Variants in PTPN14 observed in about 807,000 individuals in gnomAD.
The protein encoded by PTPN14 is tyrosine-protein phosphatase non-receptor type 14.
A neutral mutation model predicts 126.8 loss-of-function variants in PTPN14; 53 were observed. The observed-to-expected ratio is 0.42, with a 90% CI of 0.34 to 0.53. PTPN14 has a LOEUF of 0.53. PTPN14 is among the 20% of genes least tolerant of loss of function. The pLI is 0.08. For missense variants in PTPN14, 1,257 were observed against 1,552.9 expected, an observed-to-expected ratio of 0.81 and a Z score of 3.20; for synonymous variants, 630 against 599.3, an observed-to-expected ratio of 1.05 and a Z score of -0.75.
intron 2 of PTPN14, among the ~76,000 whole-genome samples, chr1:214,458,865 C>G (rs1045542476): frequency 6.6e-6 from 1 of 152,208 alleles, no homozygotes; most frequent in African/African-American, 2.4e-5. Context: ...GCTCCATTTA[C>G]ACATCCATGC....
At chr1:214,462,403 G>A (rs534107785) in intron 2 of PTPN14, among the ~76,000 whole-genome samples, 6 of 152,216 alleles carry the variant, frequency 3.9e-5, no homozygotes, top group South Asian at 2.1e-4. Flanking sequence ...AGCTTGACCT[G>A]GTGATTCAGA....
intron 4 of PTPN14, among the ~76,000 whole-genome samples, chr1:214,412,738 C>T (rs1021368755): frequency 1.3e-5 from 2 of 152,098 alleles, no homozygotes; most frequent in South Asian, 4.1e-4. Context: ...CTTCAAGGAC[C>T]CAACAAAAAG....
chr1:214,379,717 C>T (rs1318354777), intron 13 of PTPN14, among the ~76,000 whole-genome samples: 1 of 152,224 alleles, frequency 6.6e-6, no homozygotes, highest in Admixed American at 6.5e-5. Context: ...AGAATGCAAC[C>T]ATTTGCCTCT....
In PTPN14 at chr1:214,357,000, T is replaced by C. The variant is rs1008135194; in HGVS notation, c.*922A>G. On this transcript the variant is annotated 3_prime_UTR_variant, in exon 19 of 19. Transcript: ENST00000366956. ...ATCCTCAAAGGCCCTGCCCAACTCC[T>C]TTCTCTTTCTAGGTCTGCTATCCTC... 1.3e-5 allele frequency: 2 copies of C among 152,306 alleles called. No homozygotes were observed. The highest frequency in any genetic ancestry group is 4.8e-5 in the African/African-American group (2 of 41,448). The allele number at this position is 152,306 out of a possible 1,614,324, so 9.4% of individuals were successfully genotyped here.
chr1:214,551,191 ATGGCCCCCG>A lies in PTPN14; in HGVS notation c.-172_-164del. On this transcript the variant is annotated 5_prime_UTR_variant, in exon 1 of 19. In the 5' UTR this introduces an upstream ATG that the reference lacks. Transcript: ENST00000366956. ...GCTTGGACGGGGCTTACCTGCTTAC[ATGGCCCCCG>A]TGGCGCCCCGGAGTCCCGCGCGGAA... The A allele has an allele frequency of 6.6e-6, 1 of 152,430 alleles. No homozygotes were observed. Among genetic ancestry groups the A allele is most frequent in the Admixed American group, 6.5e-5 (1 of 15,312 alleles). The allele number at this position is 152,430 out of a possible 1,614,324, so 9.4% of individuals were successfully genotyped here.
In PTPN14 at chr1:214,526,569, A is replaced by G. The variant is rs116575231; in HGVS notation, c.-155+24614T>C. The stretch of plus-strand genomic sequence containing the variant: ...AGAAAAAGAGAGGTAGCTCTGGTAG[A>G]AAAAAAAACAGTTCTTAGATCACCA... On this transcript the variant is annotated intron_variant, in intron 1 of 18. Coordinates refer to ENST00000366956, the MANE Select transcript of PTPN14 (RefSeq NM_005401.5). Among the ~76,000 whole-genome samples, 612 of 150,522 alleles carry G rather than the reference A, an allele frequency of 4.1e-3. 5 individuals carry two copies. Among genetic ancestry groups the G allele is most frequent in the African/African-American group, 0.014 (592 of 40,960 alleles).
chr1:214,519,303 G>A (rs1655185271), intron 1 of PTPN14, among the ~76,000 whole-genome samples: 1 of 151,942 alleles, frequency 6.6e-6, no homozygotes. Flanking sequence ...CAATCAAGAG[G>A]GAAGCACCTT....
At chr1:214,548,829 T>C (rs751190398) in intron 1 of PTPN14, among the ~76,000 whole-genome samples, 5 of 152,348 alleles carry the variant, frequency 3.3e-5, no homozygotes, top group Admixed American at 6.5e-5. Context: ...GAATTCCTTA[T>C]GGTGCTTCCC....
At chr1:214,410,579 C>A (rs1036157104) in intron 5 of PTPN14, among the ~76,000 whole-genome samples, 2 of 152,188 alleles carry the variant, frequency 1.3e-5, no homozygotes, top group African/African-American at 2.4e-5. Context: ...GCGTGAGCCA[C>A]CGCGCCTGGC....
intron 1 of PTPN14, among the ~76,000 whole-genome samples, chr1:214,506,610 G>T (rs1419159391): frequency 6.6e-6 from 1 of 152,064 alleles, no homozygotes; most frequent in Admixed American, 6.5e-5. Context: ...CCTTTAATTG[G>T]ATGTGACAAA....
intron 1 of PTPN14, among the ~76,000 whole-genome samples, chr1:214,523,201 C>T (rs991578939): frequency 6.6e-6 from 1 of 152,134 alleles, no homozygotes; most frequent in African/African-American, 2.4e-5. Context: ...GAGGTCAACA[C>T]AGTCTCTCGC....
chr1:214,378,225 G>T, intron 13 of PTPN14, 123 bp from the exon 14 acceptor site: 1 of 1,280,264 alleles, frequency 7.8e-7, no homozygotes, highest in Non-Finnish European at 1.1e-6. Context: ...CATCAGTAGG[G>T]CAAATTCAAA....
At chr1:214,521,661 G>A (rs1655258254) in intron 1 of PTPN14, among the ~76,000 whole-genome samples, 1 of 152,064 alleles carries the variant, frequency 6.6e-6, no homozygotes, top group African/African-American at 2.4e-5. Context: ...GTTGCAGTGA[G>A]CCGAGATAGC....
chr1:214,450,768 C>CT (rs1325791944), intron 3 of PTPN14, among the ~76,000 whole-genome samples: 1 of 152,184 alleles, frequency 6.6e-6, no homozygotes, highest in Non-Finnish European at 1.5e-5. Context: ...ATGGAAAACT[C>CT]TTACCAATAA....
chr1:214,485,447 T>C lies in PTPN14; in HGVS notation c.-154-20490A>G, dbSNP rs529941978. 2.6e-5 allele frequency among the ~76,000 whole-genome samples: 4 copies of C among 152,320 alleles called. 1 individual carries two copies. The South Asian group carries it at 8.3e-4, about 32-fold the overall frequency. ...TCATTCAATTTTGGGAAATCTGTGA[T>C]AACCACCGGGATCAAGTCCTCATTA... On this transcript the variant is annotated intron_variant, in intron 1 of 18. Coordinates refer to ENST00000366956, the MANE Select transcript of PTPN14 (RefSeq NM_005401.5).
At chr1:214,449,011 C>CTTTTTTCTTTTTTTT (rs1553267716) in intron 3 of PTPN14, among the ~76,000 whole-genome samples, 1 of 112,440 alleles carries the variant, frequency 8.9e-6, no homozygotes, top group Admixed American at 1.0e-4. Context: ...CTTAATTTTT[C>CTTTTTTCTTTTTTTT]TTTTTTTTTT....
intron 16 of PTPN14, among the ~76,000 whole-genome samples, chr1:214,370,466 G>T (rs980666035): frequency 6.6e-6 from 1 of 152,020 alleles, no homozygotes; most frequent in African/African-American, 2.4e-5. Context: ...AGGGGTTCCA[G>T]CAATCGCTGT....
At chr1:214,460,789 A>C (rs1660493605) in intron 2 of PTPN14, among the ~76,000 whole-genome samples, 1 of 152,166 alleles carries the variant, frequency 6.6e-6, no homozygotes, top group African/African-American at 2.4e-5. Context: ...TTCTGGGAGC[A>C]GGGACCCTAG....
chr1:214,495,227 T>C (rs748991412), intron 1 of PTPN14, among the ~76,000 whole-genome samples: 8 of 152,346 alleles, frequency 5.3e-5, no homozygotes, highest in Admixed American at 2.0e-4. Context: ...TCTCTGAGCG[T>C]TGGTTCCCTC....
Sources: gnomAD v4.1 joint callset for allele counts (sites outside exome capture counted in the v4.1 genomes callset) on GRCh38, gnomAD v4.1.1 for gene constraint, MANE v1.5 for transcripts, NCBI Gene and HGNC (gene_info 2026-07-23, HGNC 2026-07-21) for gene names.